TAS2R1: variants seen among roughly 807,000 people sequenced by gnomAD.
TAS2R1 encodes the protein taste receptor type 2 member 1.
For synonymous variants in TAS2R1, 141 were observed against 134.2 expected (o/e 1.05, Z -0.35); for missense variants, 370 against 353.4 (o/e 1.05, Z -0.38).
chr5:9,858,374 C>A, the TAS2R1 span, among the ~76,000 whole-genome samples: 1 of 152,174 alleles, frequency 6.6e-6, no homozygotes. Flanking sequence ...CTTTTCTCTC[C>A]TTTCCCCAAG....
chr5:9,742,180 T>G, the TAS2R1 span, among the ~76,000 whole-genome samples: 2 of 152,200 alleles, frequency 1.3e-5, no homozygotes, highest in African/African-American at 4.8e-5. Context: ...CCACCACGTC[T>G]GGCCTGCACA....
At chr5:9,680,365 A>G (rs1469774487) in intron 1 of TAS2R1, among the ~76,000 whole-genome samples, 1 of 152,080 alleles carries the variant, frequency 6.6e-6, no homozygotes. Flanking sequence ...CATAAGTTCT[A>G]CTCCCGAAAG....
the TAS2R1 span, among the ~76,000 whole-genome samples, chr5:9,789,310 G>C: frequency 1.3e-5 from 2 of 152,092 alleles, no homozygotes; most frequent in Non-Finnish European, 2.9e-5. Flanking sequence ...CTTTAAACCT[G>C]GCACAATTTA....
chr5:9,637,278 G>A (rs930884786), intron 2 of TAS2R1, among the ~76,000 whole-genome samples: 8 of 152,150 alleles, frequency 5.3e-5, no homozygotes, highest in Non-Finnish European at 4.4e-5. Context: ...GGCTTGTAAG[G>A]TTTTTGCTGA....
intron 1 of TAS2R1, among the ~76,000 whole-genome samples, chr5:9,675,718 T>C (rs1458615088): frequency 6.6e-6 from 1 of 152,080 alleles, no homozygotes; most frequent in African/African-American, 2.4e-5. Flanking sequence ...CCCTGCCCCA[T>C]TTATTATTTC....
At chr5:9,713,964 A>G (rs182510990), upstream of TAS2R1, 5 of 152,340 alleles carry the variant, frequency 3.3e-5, no homozygotes, top group East Asian at 9.6e-4. Flanking sequence ...ATAGAGTAAT[A>G]TCTTCATGTC....
At chr5:9,895,422 T>C in the TAS2R1 span, among the ~76,000 whole-genome samples, 3 of 152,130 alleles carry the variant, frequency 2.0e-5, no homozygotes, top group South Asian at 2.1e-4. Context: ...TACCACCCCC[T>C]GTAGTGATGT....
chr5:9,672,121 A>T (rs962515418), intron 1 of TAS2R1, among the ~76,000 whole-genome samples: 87 of 152,178 alleles, frequency 5.7e-4, no homozygotes, highest in Admixed American at 5.6e-3. Context: ...CCTTCCTTAC[A>T]TCATATACAA....
At chr5:9,729,608 C>T in the TAS2R1 span, among the ~76,000 whole-genome samples, 57 of 151,896 alleles carry the variant, frequency 3.8e-4, no homozygotes, top group Non-Finnish European at 2.4e-4. Flanking sequence ...TTTTAGGGTA[C>T]ATGTGCACAA....
chr5:9,873,726 G>A, the TAS2R1 span, among the ~76,000 whole-genome samples: 5 of 151,860 alleles, frequency 3.3e-5, no homozygotes, highest in Admixed American at 6.6e-5. Flanking sequence ...GAAATTAGCC[G>A]GTAGTGGTGG....
chr5:9,634,385 G>C (rs994472049), upstream of TAS2R1, among the ~76,000 whole-genome samples: 2 of 151,834 alleles, frequency 1.3e-5, no homozygotes, highest in Non-Finnish European at 2.9e-5. Flanking sequence ...GATGCTTCCA[G>C]GTTTTTTATT....
At chr5:9,780,692 C>T in the TAS2R1 span, among the ~76,000 whole-genome samples, 11,789 of 78,238 alleles carry the variant, frequency 0.15, 1,101 homozygotes, top group African/African-American at 0.34. Flanking sequence ...TGTGTGTGTG[C>T]GCGCGCGCGC....
At chr5:9,769,033 T>C in the TAS2R1 span, among the ~76,000 whole-genome samples, 1 of 152,204 alleles carries the variant, frequency 6.6e-6, no homozygotes, top group South Asian at 2.1e-4. Context: ...TAATTATATT[T>C]TTGTACCCAT....
At chr5:9,779,603 C>T in the TAS2R1 span, among the ~76,000 whole-genome samples, 2 of 152,154 alleles carry the variant, frequency 1.3e-5, no homozygotes, top group African/African-American at 2.4e-5. Context: ...GAAATCAGAA[C>T]ACACACATTT....
At chr5:9,653,750 T>C (rs959738894) in intron 2 of TAS2R1, among the ~76,000 whole-genome samples, 1 of 151,892 alleles carries the variant, frequency 6.6e-6, no homozygotes, top group African/African-American at 2.4e-5. Context: ...TGATACTGTA[T>C]CACTTACTGT....
At chr5:9,718,147 T>C in the TAS2R1 span, among the ~76,000 whole-genome samples, 1 of 151,480 alleles carries the variant, frequency 6.6e-6, no homozygotes, top group South Asian at 2.1e-4. Context: ...TTTTTTGTAT[T>C]TTTAGTAGAG....
At chr5:9,741,358 A>G in the TAS2R1 span, among the ~76,000 whole-genome samples, 2 of 152,122 alleles carry the variant, frequency 1.3e-5, no homozygotes, top group Admixed American at 1.3e-4. Context: ...CGCTTCTCCC[A>G]TCTCTTGCTT....
chr5:9,783,715 C>G, the TAS2R1 span, among the ~76,000 whole-genome samples: 1 of 152,150 alleles, frequency 6.6e-6, no homozygotes, highest in African/African-American at 2.4e-5. Flanking sequence ...AAAATGTGAA[C>G]ACCAAAACTA....
intron 2 of TAS2R1, chr5:9,641,809 G>A (rs752072416): frequency 1.3e-5 from 2 of 152,216 alleles, no homozygotes; most frequent in African/African-American, 2.4e-5. Flanking sequence ...GTTTGTTTTA[G>A]TGAGAAGGGC....
Sources: allele counts gnomAD v4.1 joint callset (sites outside exome capture counted in the v4.1 genomes callset), GRCh38; gene constraint gnomAD v4.1.1; transcripts MANE v1.5; gene names NCBI Gene and HGNC (gene_info 2026-07-23, HGNC 2026-07-21).